Variants in RSPO2 observed in about 807,000 individuals in gnomAD.
RSPO2 encodes the protein R-spondin 2.
In RSPO2, 14 loss-of-function variants were observed where a neutral mutation model predicts 30.9. The ratio of observed to expected loss-of-function variants is 0.45; its 90% CI spans 0.30 to 0.71. RSPO2 has a LOEUF of 0.71. RSPO2 is among the 30% of genes least tolerant of loss of function. The probability of loss-of-function intolerance (pLI) is 0.08; values close to 1 mark genes in which losing one functional copy is unlikely to be tolerated. For synonymous variants in RSPO2, 107 were observed against 96.4 expected (o/e 1.11, Z -0.64); for missense variants, 264 against 301.9 (o/e 0.87, Z 0.93).
intron 2 of RSPO2, among the ~76,000 whole-genome samples, chr8:108,049,173 A>G (rs1450520527): frequency 6.6e-6 from 1 of 151,856 alleles, no homozygotes; most frequent in Non-Finnish European, 1.5e-5. Flanking sequence ...GGTGCAGCAA[A>G]CCAACATGGC....
intron 5 of RSPO2, among the ~76,000 whole-genome samples, chr8:107,926,092 C>T (rs1244783701): frequency 6.6e-6 from 1 of 152,084 alleles, no homozygotes; most frequent in African/African-American, 2.4e-5. Context: ...TTAATGACTG[C>T]CATTCTAAAT....
intron 3 of RSPO2, among the ~76,000 whole-genome samples, chr8:107,979,165 GC>G (rs781070382): frequency 1.3e-5 from 2 of 152,154 alleles, no homozygotes; most frequent in Non-Finnish European, 2.9e-5. Flanking sequence ...ATTTGACCTA[GC>G]CATCTCATTA....
intron 5 of RSPO2, among the ~76,000 whole-genome samples, chr8:107,920,742 TGTTATTCAG>T (rs1231939690): frequency 6.6e-6 from 1 of 152,138 alleles, no homozygotes; most frequent in Non-Finnish European, 1.5e-5. Context: ...GAATGCATAA[TGTTATTCAG>T]GTAAAGAGTT....
intron 4 of RSPO2, among the ~76,000 whole-genome samples, chr8:107,959,105 A>C (rs1405404375): frequency 6.6e-6 from 1 of 152,178 alleles, no homozygotes; most frequent in Non-Finnish European, 1.5e-5. Flanking sequence ...CTAGTTCTAA[A>C]TTTGCCTCCA....
At chr8:108,033,974 A>G (rs1811510361) in intron 2 of RSPO2, among the ~76,000 whole-genome samples, 1 of 152,216 alleles carries the variant, frequency 6.6e-6, no homozygotes, top group Non-Finnish European at 1.5e-5. Context: ...TAATTGCAGG[A>G]CTAACTTTAG....
intron 5 of RSPO2, among the ~76,000 whole-genome samples, chr8:107,925,676 TA>T (rs1812343722): frequency 6.6e-6 from 1 of 152,012 alleles, no homozygotes. Context: ...GTCCTTGCAA[TA>T]GTTTGCTGAG....
At chr8:108,011,646 G>C (rs1810714968) in intron 2 of RSPO2, among the ~76,000 whole-genome samples, 1 of 152,138 alleles carries the variant, frequency 6.6e-6, no homozygotes, top group Admixed American at 6.5e-5. Flanking sequence ...ATTGAGAAAA[G>C]AAAAAAGTTC....
At position 108,044,821 on chromosome 8, in the gene RSPO2, C is replaced by A. The variant is rs188186832; in HGVS notation, c.94+37724G>T. ...TGGCTAAACTAATTTACACTCCCAT[C>A]AGTGTAGAAGCGTTCCCTACTAAAT... On this transcript the variant is annotated intron_variant, in intron 2 of 5. Coordinates refer to ENST00000276659, the MANE Select transcript of RSPO2 (RefSeq NM_178565.5). Among the ~76,000 whole-genome samples, 3 of 152,240 alleles carry A rather than the reference C, an allele frequency of 2.0e-5. No individual in the cohort carries two copies. In the East Asian group the frequency reaches 5.8e-4, roughly 29 times the overall value.
intron 5 of RSPO2, among the ~76,000 whole-genome samples, chr8:107,928,381 G>T (rs945626345): frequency 1.1e-4 from 16 of 152,260 alleles, no homozygotes; most frequent in Admixed American, 3.3e-4. Context: ...CTTTTGAAAT[G>T]TCATTTTTAT....
chr8:108,045,965 G>A (rs1360732483), intron 2 of RSPO2, among the ~76,000 whole-genome samples: 1 of 152,026 alleles, frequency 6.6e-6, no homozygotes, highest in Non-Finnish European at 1.5e-5. Context: ...TCACTGAATT[G>A]GAGAATCTCT....
intron 2 of RSPO2, among the ~76,000 whole-genome samples, chr8:108,048,819 T>C (rs1811986342): frequency 6.6e-6 from 1 of 152,252 alleles, no homozygotes; most frequent in Non-Finnish European, 1.5e-5. Flanking sequence ...GCTACAAATT[T>C]CCCTCTACTC....
chr8:107,962,462 A>G (rs1307932142), intron 3 of RSPO2, among the ~76,000 whole-genome samples: 1 of 152,154 alleles, frequency 6.6e-6, no homozygotes, highest in Admixed American at 6.5e-5. Flanking sequence ...CAGAACACCA[A>G]ATATGTGTGG....
intron 5 of RSPO2, among the ~76,000 whole-genome samples, chr8:107,906,663 C>G (rs1472874563): frequency 2.0e-5 from 3 of 151,822 alleles, no homozygotes; most frequent in Non-Finnish European, 4.4e-5. Flanking sequence ...TTTTTTCCTT[C>G]TAGAAAGCAG....
chr8:108,058,231 G>A (rs1052703197), intron 2 of RSPO2, among the ~76,000 whole-genome samples: 1 of 152,100 alleles, frequency 6.6e-6, no homozygotes, highest in Admixed American at 6.6e-5. Context: ...CAAATCATGA[G>A]TGAACTCCCA....
At chr8:107,935,096 G>A (rs1446693991) in intron 5 of RSPO2, among the ~76,000 whole-genome samples, 1 of 152,166 alleles carries the variant, frequency 6.6e-6, no homozygotes, top group East Asian at 1.9e-4. Context: ...TGCGGGGCGG[G>A]ACAGAACAGA....
At chr8:108,044,758 T>C (rs1047557863) in intron 2 of RSPO2, among the ~76,000 whole-genome samples, 5 of 152,138 alleles carry the variant, frequency 3.3e-5, no homozygotes, top group Non-Finnish European at 5.9e-5. Flanking sequence ...TAGTTCTGTT[T>C]TAAGCTATTT....
In RSPO2 at chr8:107,901,002, T is replaced by G; in HGVS notation, c.*73A>C. The G allele has an allele frequency of 6.5e-7, 1 of 1,527,136 alleles. No individual in the cohort carries two copies. The highest frequency in any genetic ancestry group is 9.0e-7 in the Non-Finnish European group (1 of 1,115,772). The allele number at this position is 1,527,136 out of a possible 1,614,324, so 94.6% of individuals were successfully genotyped here. A position where few individuals can be genotyped will look rare whatever the true frequency, so the allele number is the denominator to read the frequency against. ...GCAGCACAAAGGCTGCACACCAGTG[T>G]GCAGGAGTGGAGAGTAGCTTTGTGC... On this transcript the variant is annotated 3_prime_UTR_variant, in exon 6 of 6. Coordinates refer to ENST00000276659, the MANE Select transcript of RSPO2 (RefSeq NM_178565.5).
chr8:107,911,742 A>G (rs572347072), intron 5 of RSPO2, among the ~76,000 whole-genome samples: 1 of 152,318 alleles, frequency 6.6e-6, no homozygotes, highest in East Asian at 1.9e-4. Context: ...ACAAAATCAC[A>G]TAGCTCAGCA....
chr8:107,932,826 C>T (rs907892944), intron 5 of RSPO2, among the ~76,000 whole-genome samples: 12 of 151,928 alleles, frequency 7.9e-5, no homozygotes, highest in African/African-American at 2.2e-4. Context: ...GCAAGGTAAC[C>T]GATCATTAAG....
Sources: allele counts gnomAD v4.1 joint callset (sites outside exome capture counted in the v4.1 genomes callset), GRCh38; gene constraint gnomAD v4.1.1; transcripts MANE v1.5; gene names NCBI Gene and HGNC (gene_info 2026-07-23, HGNC 2026-07-21).